The following SCN3A variants were observed in gnomAD, a reference collection of about 807,000 sequenced individuals.
SCN3A encodes the protein sodium channel protein type 3 subunit alpha.
SCN3A carries 60 observed loss-of-function variants against 187.6 expected under a neutral mutation model. That is an observed-to-expected ratio of 0.32 (90% CI 0.26 to 0.40). SCN3A has a LOEUF of 0.40. SCN3A is among the 10% of genes least tolerant of loss of function. SCN3A has a pLI of 1.00. For synonymous variants in SCN3A, 788 were observed against 829.2 expected (o/e 0.95, Z 0.85); for missense variants, 1,601 against 2,428.2 (o/e 0.66, Z 7.16).
chr2:165,203,637 C>G (rs1457840657), intron 1 of SCN3A, among the ~76,000 whole-genome samples, 186 bp downstream of exon 1: 1 of 152,006 alleles, frequency 6.6e-6, no homozygotes, highest in Non-Finnish European at 1.5e-5. Flanking sequence ...CAGACAGGCT[C>G]TATTTTCTTT....
Position 165,127,633 on chromosome 2 carries a change from C to G in SCN3A, c.3391G>C (p.Glu1131Gln), listed in dbSNP as rs1553521910. Reference sequence around the variant, plus strand: ...AAAAAATTTAAAAGCATTCTTACCTCTTTGCTTTCTTCTAGTTCTGACTCA... The same window carrying G: ...AAAAAATTTAAAAGCATTCTTACCTGTTTGCTTTCTTCTAGTTCTGACTCA... ...SSESELEESK[E>Q]KLNATSSSEG... The change falls in exon 18 of 28, where the codon GAG (glutamate) becomes CAG (glutamine). Residue 1131 changes from glutamate (E) to glutamine (Q), a missense_variant and splice_region_variant. This residue lies in a region of SCN3A where 267 missense variants were observed against 313.2 expected (regional missense o/e 0.85). Transcript: ENST00000283254. 1.9e-6 allele frequency: 3 copies of G among 1,612,464 alleles called. No individual in the cohort carries two copies. The highest frequency in any genetic ancestry group is 2.2e-5 in the South Asian group (2 of 91,056).
intron 12 of SCN3A, among the ~76,000 whole-genome samples, chr2:165,145,794 G>T (rs1287369218): frequency 6.6e-6 from 1 of 151,756 alleles, no homozygotes; most frequent in Non-Finnish European, 1.5e-5. Flanking sequence ...TATTTTTAGG[G>T]TATAATTCTG....
intron 1 of SCN3A, among the ~76,000 whole-genome samples, chr2:165,188,284 A>AT (rs1046962337): frequency 6.0e-5 from 9 of 151,088 alleles, no homozygotes; most frequent in East Asian, 1.9e-4. Context: ...AGGAGAGAGT[A>AT]TTTTTTTTTC....
intron 10 of SCN3A, 62 bp downstream of exon 10, chr2:165,155,700 A>T: frequency 6.3e-7 from 1 of 1,597,406 alleles, no homozygotes; most frequent in East Asian, 2.2e-5. Context: ...CACCCAGCCT[A>T]TGCTTTTCAT....
rs1685130737 is a variant in SCN3A, at chr2:165,092,012, T to G, written c.4807+242A>C. On this transcript the variant is annotated intron_variant, in intron 27 of 27. Coordinates refer to ENST00000283254, the MANE Select transcript of SCN3A (RefSeq NM_006922.4). The surrounding 1 kb of genome is among the most constrained non-coding windows in gnomAD (Gnocchi z 4.2). The stretch of plus-strand genomic sequence containing the variant: ...GGTTTAAGATTAGGAGAGTACCTGA[T>G]AATGTTTATTTCCTGTCTTCTTCAC... 1 of 563,184 alleles carries G rather than the reference T, an allele frequency of 1.8e-6. No homozygotes were observed. Among genetic ancestry groups the G allele is most frequent in the African/African-American group, 1.9e-5 (1 of 53,024 alleles). 34.9% of individuals were successfully genotyped at this position (563,184 alleles called of 1,614,324 possible). A position where few individuals can be genotyped will look rare whatever the true frequency, so the allele number is the denominator to read the frequency against.
chr2:165,110,144 T>C (rs540163618), intron 21 of SCN3A, among the ~76,000 whole-genome samples: 4 of 152,312 alleles, frequency 2.6e-5, no homozygotes, highest in African/African-American at 9.6e-5. Flanking sequence ...TTCATAGCAG[T>C]GATCTGCCTT....
chr2:165,154,431 T>G (rs1479396824), intron 11 of SCN3A, 21 bp downstream of exon 11: 1 of 1,607,330 alleles, frequency 6.2e-7, no homozygotes, highest in African/African-American at 1.3e-5. Flanking sequence ...ATGATAAATC[T>G]TTGCTTTTAT....
intron 15 of SCN3A, among the ~76,000 whole-genome samples, chr2:165,134,673 A>T (rs890553745): frequency 1.5e-4 from 23 of 152,124 alleles, no homozygotes; most frequent in Non-Finnish European, 4.4e-5. Context: ...ATAACACATC[A>T]AAGATTTTTT....
At chr2:165,186,218 G>A (rs990433233) in intron 2 of SCN3A, among the ~76,000 whole-genome samples, 2 of 151,744 alleles carry the variant, frequency 1.3e-5, no homozygotes, top group African/African-American at 2.4e-5. Flanking sequence ...TGCGGTGAGC[G>A]AAGTTCATGC....
intron 14 of SCN3A, 38 bp downstream of exon 14, chr2:165,139,438 A>C: frequency 6.2e-7 from 1 of 1,613,376 alleles, no homozygotes; most frequent in Non-Finnish European, 8.5e-7. Context: ...AAAGCACATA[A>C]TCACAGAAAG....
At chr2:165,117,391 T>C (rs1686422575) in intron 18 of SCN3A, among the ~76,000 whole-genome samples, 1 of 152,166 alleles carries the variant, frequency 6.6e-6, no homozygotes, top group Admixed American at 6.5e-5. Context: ...CTTTCTTGCA[T>C]GATTTTCTTC....
chr2:165,130,549 T>C, intron 16 of SCN3A: 1 of 488,898 alleles, frequency 2.0e-6, no homozygotes, highest in Non-Finnish European at 3.6e-6. Flanking sequence ...TTCTGATTCA[T>C]CCAAAGATAT....
chr2:165,198,449 T>C (rs1357485827), intron 1 of SCN3A, among the ~76,000 whole-genome samples: 1 of 152,060 alleles, frequency 6.6e-6, no homozygotes, highest in East Asian at 1.9e-4. Context: ...AACCTTGCAA[T>C]TCCTTGGCCA....
chr2:165,088,833 C>T lies in SCN3A; in HGVS notation c.*1317G>A, dbSNP rs945761041. On this transcript the variant is annotated 3_prime_UTR_variant, in exon 28 of 28. Coordinates refer to ENST00000283254, the MANE Select transcript of SCN3A (RefSeq NM_006922.4). ...GCAAAATATGAAGAATAGGTTTTGT[C>T]AGTAGGCAGTATCCAGTGTGTTTCC... 4.6e-5 allele frequency: 7 copies of T among 152,432 alleles called. No homozygotes were observed. Among genetic ancestry groups the T allele is most frequent in the Non-Finnish European group, 7.4e-5 (5 of 67,948 alleles). 9.4% of individuals were successfully genotyped at this position (152,432 alleles called of 1,614,324 possible).
chr2:165,097,068 A>G (rs1489012657), intron 23 of SCN3A, among the ~76,000 whole-genome samples, 184 bp downstream of exon 23: 2 of 152,222 alleles, frequency 1.3e-5, no homozygotes, highest in African/African-American at 4.8e-5. Flanking sequence ...AACACTAAGG[A>G]AAATACATTA....
chr2:165,178,982 G>GT (rs1211092583), intron 2 of SCN3A, among the ~76,000 whole-genome samples: 1 of 152,104 alleles, frequency 6.6e-6, no homozygotes, highest in Non-Finnish European at 1.5e-5. Context: ...TCTGCAAGCC[G>GT]TAAGTACCTA....
chr2:165,174,786 T>TTC (rs1381044995), intron 3 of SCN3A, among the ~76,000 whole-genome samples: 1 of 152,226 alleles, frequency 6.6e-6, no homozygotes, highest in Non-Finnish European at 1.5e-5. Flanking sequence ...ATTGTTGAAA[T>TTC]AAGTTATTTT....
intron 1 of SCN3A, among the ~76,000 whole-genome samples, chr2:165,200,652 C>G (rs558778933): frequency 6.6e-6 from 1 of 152,080 alleles, no homozygotes; most frequent in South Asian, 2.1e-4. Context: ...AATCAAGAGT[C>G]CATTAAGTCA....
In SCN3A at chr2:165,089,711, A is replaced by C. The variant is rs1365535828; in HGVS notation, c.*439T>G. ...ATACTGTTTCTTCAACGTAAACCTCATTTACAAAAATAGTGACATAGCATT... is the reference window on the plus strand; with the variant it reads ...ATACTGTTTCTTCAACGTAAACCTCCTTTACAAAAATAGTGACATAGCATT... On this transcript the variant is annotated 3_prime_UTR_variant, in exon 28 of 28. Transcript: ENST00000283254. 1 of 162,798 alleles carries C rather than the reference A, an allele frequency of 6.1e-6. No homozygotes were observed. The highest frequency in any genetic ancestry group is 5.8e-5 in the Admixed American group (1 of 17,128). 10.1% of individuals were successfully genotyped at this position (162,798 alleles called of 1,614,324 possible).
Sources: allele counts gnomAD v4.1 joint callset (sites outside exome capture counted in the v4.1 genomes callset), GRCh38; gene constraint gnomAD v4.1.1; regional missense constraint gnomAD v4.1.1; non-coding constraint Gnocchi (gnomAD v3.1); transcripts MANE v1.5; gene names NCBI Gene and HGNC (gene_info 2026-07-23, HGNC 2026-07-21).